The following ST6GAL1 variants were observed in gnomAD, a reference collection of about 807,000 sequenced individuals.
ST6GAL1 encodes beta-galactoside alpha-2,6-sialyltransferase 1.
Under a neutral mutation model 38.0 loss-of-function variants are expected in ST6GAL1, and 20 were observed. The ratio of observed to expected loss-of-function variants is 0.53; its 90% CI spans 0.37 to 0.77. The LOEUF (loss-of-function observed/expected upper bound fraction) is 0.77, where lower values mean the gene tolerates loss of function less well. Among genes scored for constraint, ST6GAL1 ranks in the 30% least tolerant of loss-of-function variants. The pLI, the probability that ST6GAL1 is intolerant of heterozygous loss-of-function variation, is 0.00. For synonymous variants in ST6GAL1, 196 were observed against 188.2 expected (o/e 1.04, Z -0.34); for missense variants, 432 against 496.4 (o/e 0.87, Z 1.23).
chr3:186,992,751 T>A (rs1579303429), intron 2 of ST6GAL1, among the ~76,000 whole-genome samples: 2 of 152,080 alleles, frequency 1.3e-5, no homozygotes, highest in South Asian at 4.1e-4. Context: ...AGCTGAGATC[T>A]CACCACTGTA....
In ST6GAL1 at chr3:187,035,139, A is replaced by G. The variant is rs142573366; in HGVS notation, c.-182-3603A>G. ...AGCTGAGAGTCAAATCAACAACACA[A>G]TCTCATTTATAATAGTCGCAACAAA... is the stretch of plus-strand genomic sequence containing the variant. On this transcript the variant is annotated intron_variant, in intron 2 of 7. Coordinates refer to ENST00000169298, the MANE Select transcript of ST6GAL1 (RefSeq NM_173216.2). 1.9e-4 allele frequency among the ~76,000 whole-genome samples: 29 copies of G among 152,300 alleles called. No individual in the cohort carries two copies. The East Asian group carries it at 5.2e-3, about 27-fold the overall frequency.
At chr3:187,060,322 G>A (rs1278144199) in intron 5 of ST6GAL1, among the ~76,000 whole-genome samples, 2 of 152,020 alleles carry the variant, frequency 1.3e-5, no homozygotes, top group African/African-American at 2.4e-5. Context: ...AACCATGCCC[G>A]ACTAATTTTT....
chr3:186,935,614 C>T (rs1713924009), intron 1 of ST6GAL1, among the ~76,000 whole-genome samples: 1 of 152,070 alleles, frequency 6.6e-6, no homozygotes, highest in Non-Finnish European at 1.5e-5. Flanking sequence ...TTTACACTCC[C>T]ACCAACAGTG....
chr3:187,068,442 A>C (rs1719248245), intron 5 of ST6GAL1, among the ~76,000 whole-genome samples: 1 of 152,128 alleles, frequency 6.6e-6, no homozygotes, highest in African/African-American at 2.4e-5. Context: ...CAAGTTACTT[A>C]GCATTTAGCA....
rs1169582513 is a variant in ST6GAL1, at chr3:186,952,625, T to C, written c.-324-11160T>C. Among the ~76,000 whole-genome samples the C allele has an allele frequency of 6.6e-6, 1 of 152,072 alleles. No homozygotes were observed. Among genetic ancestry groups the C allele is most frequent in the Non-Finnish European group, 1.5e-5 (1 of 68,006 alleles). On this transcript the variant is annotated intron_variant, in intron 1 of 7. Coordinates refer to ENST00000169298, the MANE Select transcript of ST6GAL1 (RefSeq NM_173216.2). This position sits in a 1 kb window ranked among gnomAD's most constrained non-coding sequence, Gnocchi z 4.1. ...GTTCAAGCGCTTCTCTGTTGGCTCA[T>C]TTTCACTTGGTCACTGTGGAGTGCC...
intron 6 of ST6GAL1, 60 bp from the exon 7 acceptor site, chr3:187,074,099 T>C (rs1719479741): frequency 1.3e-6 from 2 of 1,488,630 alleles, no homozygotes; most frequent in South Asian, 1.4e-5. Flanking sequence ...AGATGACTCC[T>C]GGGGGGAGCA....
chr3:187,074,153 T>G lies in ST6GAL1; in HGVS notation c.805-6T>G. 2 of 1,603,422 alleles carry G rather than the reference T, an allele frequency of 1.2e-6. No individual in the cohort carries two copies. The highest frequency in any genetic ancestry group is 1.7e-6 in the Non-Finnish European group (2 of 1,175,186). On this transcript the variant is annotated splice_polypyrimidine_tract_variant and splice_region_variant and intron_variant, in intron 6 of 7. Transcript: ENST00000169298. ...CCCTTGAGAGGACCACTTCTTTCTT[T>G]TTCAGTGGTACCAGAATCCGGATTA... is the stretch of plus-strand genomic sequence containing the variant.
chr3:187,028,106 A>G (rs1717609629), intron 2 of ST6GAL1, among the ~76,000 whole-genome samples: 1 of 152,300 alleles, frequency 6.6e-6, no homozygotes, highest in East Asian at 1.9e-4. Context: ...GTGGGAAGAT[A>G]GCTATTGCAA....
At position 187,025,632 on chromosome 3, in the gene ST6GAL1, A is replaced by T. The variant is rs998606207; in HGVS notation, c.-182-13110A>T. On this transcript the variant is annotated intron_variant, in intron 2 of 7. Transcript: ENST00000169298. ...CTACTTTTTGCCAGGCACCTGTCAA[A>T]TAGGAAGGCAGATATTTCTATGAAT... 11 of 152,368 alleles carry T rather than the reference A, an allele frequency of 7.2e-5. No individual in the cohort carries two copies. The South Asian group carries it at 8.3e-4, about 11-fold the overall frequency. 9.4% of individuals were successfully genotyped at this position (152,368 alleles called of 1,614,324 possible). A position where few individuals can be genotyped will look rare whatever the true frequency, so the allele number is the denominator to read the frequency against.
chr3:187,075,692 C>T lies in ST6GAL1; in HGVS notation c.1110C>T (p.His370=). 6.2e-7 allele frequency: 1 copy of T among 1,614,256 alleles called. No individual in the cohort carries two copies. The change falls in exon 8 of 8, where the codon CAC becomes CAT. Residue 370 remains histidine (H), a synonymous_variant. Coordinates refer to ENST00000169298, the MANE Select transcript of ST6GAL1 (RefSeq NM_173216.2). This position sits in a 1 kb window ranked among gnomAD's most constrained non-coding sequence, Gnocchi z 4.1. ...FDSACTMGAY[H]PLLYEKNLVK... ...GTGCCTGCACGATGGGTGCCTACCA[C>T]CCGCTGCTCTATGAGAAGAATTTGG... is the stretch of plus-strand genomic sequence containing the variant.
intron 5 of ST6GAL1, among the ~76,000 whole-genome samples, chr3:187,066,776 C>T (rs1208383159): frequency 2.6e-5 from 4 of 152,138 alleles, no homozygotes; most frequent in African/African-American, 4.8e-5. Context: ...GGCTCTGCTG[C>T]TCTGCCAATG....
chr3:186,966,883 G>A (rs546679946), intron 2 of ST6GAL1, among the ~76,000 whole-genome samples: 1 of 152,128 alleles, frequency 6.6e-6, no homozygotes, highest in African/African-American at 2.4e-5. Flanking sequence ...TCTGCAACTC[G>A]GGAAGAGATT....
chr3:187,037,642 G>T (rs1013905939), intron 2 of ST6GAL1, among the ~76,000 whole-genome samples: 2 of 152,044 alleles, frequency 1.3e-5, no homozygotes, highest in African/African-American at 4.8e-5. Flanking sequence ...GTGCAGTGGC[G>T]CTCATAGCTC....
At position 187,005,455 on chromosome 3, in the gene ST6GAL1, T is replaced by G. The variant is rs375294580; in HGVS notation, c.-182-33287T>G. On this transcript the variant is annotated intron_variant, in intron 2 of 7. Transcript: ENST00000169298. ...CATGCCCGGCTAACTTTTGTATTTT[T>G]TAGTAGAGATGGGGTTTCACCGTGT... 3.0e-4 allele frequency among the ~76,000 whole-genome samples: 45 copies of G among 152,082 alleles called. No individual in the cohort carries two copies. The East Asian group carries it at 8.0e-3, about 27-fold the overall frequency.
intron 5 of ST6GAL1, among the ~76,000 whole-genome samples, chr3:187,067,189 C>T (rs1327991971): frequency 2.1e-5 from 3 of 141,828 alleles, no homozygotes; most frequent in Non-Finnish European, 4.5e-5. Flanking sequence ...GGGGTTCAAG[C>T]GATTCTCCTG....
At chr3:187,060,506 A>G (rs9855000) in intron 5 of ST6GAL1, among the ~76,000 whole-genome samples, 15,090 of 152,172 alleles carry the variant, frequency 0.099, 2,515 homozygotes, top group African/African-American at 0.34. Context: ...GCATTTTGTA[A>G]CCATCACTGG....
At chr3:186,994,835 G>A (rs947899579) in intron 2 of ST6GAL1, among the ~76,000 whole-genome samples, 21 of 151,812 alleles carry the variant, frequency 1.4e-4, no homozygotes, top group African/African-American at 4.8e-4. Flanking sequence ...CAGCTACTTA[G>A]GAAGCTGAGG....
chr3:186,968,501 C>T (rs886919912), intron 2 of ST6GAL1, among the ~76,000 whole-genome samples: 12 of 152,136 alleles, frequency 7.9e-5, no homozygotes, highest in Admixed American at 2.6e-4. Context: ...AGTGTCCTTC[C>T]GAGCTTTATC....
chr3:186,943,474 C>T (rs987741437), intron 1 of ST6GAL1, among the ~76,000 whole-genome samples: 14 of 152,062 alleles, frequency 9.2e-5, no homozygotes, highest in African/African-American at 1.7e-4. Flanking sequence ...TATTTTTAGA[C>T]GGAGTCTCGC....
Sources: allele counts gnomAD v4.1 joint callset (sites outside exome capture counted in the v4.1 genomes callset), GRCh38; gene constraint gnomAD v4.1.1; non-coding constraint Gnocchi (gnomAD v3.1); transcripts MANE v1.5; gene names NCBI Gene and HGNC (gene_info 2026-07-23, HGNC 2026-07-21).